The following USH2A variants were observed in gnomAD, a reference collection of about 807,000 sequenced individuals.
USH2A encodes the protein usherin.
Under a neutral mutation model 538.9 loss-of-function variants are expected in USH2A, and 443 were observed. The observed-to-expected ratio is 0.82, with a 90% CI of 0.76 to 0.89. The LOEUF (loss-of-function observed/expected upper bound fraction) is 0.89. USH2A is among the 40% of genes least tolerant of loss of function. USH2A has a pLI of 0.00. For synonymous variants in USH2A, 2,413 were observed against 2,273.5 expected (o/e 1.06, Z -1.75); for missense variants, 6,633 against 6,324.8 (o/e 1.05, Z -1.65).
intron 3 of USH2A, among the ~76,000 whole-genome samples, chr1:216,374,106 G>A: frequency 8.6e-6 from 1 of 116,086 alleles, no homozygotes; most frequent in East Asian, 3.1e-4. Context: ...ACTTTTGTGG[G>A]GTGGGGGGAG....
At chr1:215,836,266 T>G (rs1486678191) in intron 47 of USH2A, among the ~76,000 whole-genome samples, 1 of 150,878 alleles carries the variant, frequency 6.6e-6, no homozygotes, top group Non-Finnish European at 1.5e-5. Context: ...CCTTCACTGA[T>G]AATTCTGGGT....
At position 215,674,281 on chromosome 1, in the gene USH2A, C is replaced by T; in HGVS notation, c.13630G>A (p.Gly4544Ser). The T allele has an allele frequency of 6.2e-7, 1 of 1,614,050 alleles. No homozygotes were observed. Among genetic ancestry groups the T allele is most frequent in the Non-Finnish European group, 8.5e-7 (1 of 1,180,006 alleles). Residue 4544 changes from glycine (G) to serine (S), a missense_variant, in exon 63 of 72, where the codon GGT (glycine) becomes AGT (serine). Transcript: ENST00000307340. ...GMEPPKLQARGPQEILVNWDP... is the reference protein window; with the variant it reads ...GMEPPKLQARSPQEILVNWDP... ...CAGTTCACTAAGATCTCCTGAGGAC[C>T]CCTGGCCTGCAATTTTGGAGGTTCC... is the stretch of plus-strand genomic sequence containing the variant.
chr1:216,112,474 T>C (rs1290229119), intron 21 of USH2A, among the ~76,000 whole-genome samples: 14 of 152,106 alleles, frequency 9.2e-5, no homozygotes, highest in Non-Finnish European at 1.0e-4. Context: ...AAAACTTTTA[T>C]TTTAGGTTGT....
At chr1:216,100,255 A>C (rs181376932) in intron 21 of USH2A, among the ~76,000 whole-genome samples, 1 of 152,272 alleles carries the variant, frequency 6.6e-6, no homozygotes, top group Admixed American at 6.5e-5. Context: ...AATGAGTAGA[A>C]GGTGGGTACA....
intron 47 of USH2A, among the ~76,000 whole-genome samples, chr1:215,823,569 T>C (rs1663073347): frequency 6.6e-6 from 1 of 152,094 alleles, no homozygotes; most frequent in Admixed American, 6.6e-5. Context: ...TATCTGGATA[T>C]TTCTCTGTTT....
chr1:216,027,163 A>C (rs1275620705), intron 32 of USH2A, among the ~76,000 whole-genome samples: 2 of 152,178 alleles, frequency 1.3e-5, no homozygotes, highest in Non-Finnish European at 2.9e-5. Context: ...GTCTTTAAAG[A>C]GGTAATTAAG....
chr1:215,860,124 A>C (rs573545780), intron 44 of USH2A, among the ~76,000 whole-genome samples: 1 of 152,206 alleles, frequency 6.6e-6, no homozygotes, highest in African/African-American at 2.4e-5. Flanking sequence ...AATGCATCAC[A>C]AAAGCCCTCA....
At chr1:215,860,831 G>A (rs1664295362) in intron 44 of USH2A, among the ~76,000 whole-genome samples, 1 of 152,126 alleles carries the variant, frequency 6.6e-6, no homozygotes, top group South Asian at 2.1e-4. Context: ...GGCTCATTTT[G>A]GGAGGTAATG....
chr1:216,046,601 G>A lies in USH2A; in HGVS notation c.6164-9C>T, dbSNP rs2030532992. ...CTGAACCTCTTGTGGGGCTGTGGAA[G>A]AAAAGATTTATAGAGTCTAATTTTA... On this transcript the variant is annotated splice_polypyrimidine_tract_variant and intron_variant, in intron 31 of 71. Transcript: ENST00000307340. 1 of 1,613,592 alleles carries A rather than the reference G, an allele frequency of 6.2e-7. No individual in the cohort carries two copies. The highest frequency in any genetic ancestry group is 8.5e-7 in the Non-Finnish European group (1 of 1,179,630).
chr1:215,818,568 AG>A (rs568810364), intron 47 of USH2A, among the ~76,000 whole-genome samples: 340 of 151,988 alleles, frequency 2.2e-3, no homozygotes, highest in Non-Finnish European at 3.6e-3. Context: ...AAACCCAAGT[AG>A]AAAGTTTTTA....
chr1:216,147,707 T>C (rs1451596045), intron 21 of USH2A, among the ~76,000 whole-genome samples: 1 of 150,698 alleles, frequency 6.6e-6, no homozygotes, highest in African/African-American at 2.4e-5. Context: ...TGCAATTCCT[T>C]GCCTCCACTG....
intron 4 of USH2A, among the ~76,000 whole-genome samples, chr1:216,354,761 T>C (rs1473312577): frequency 6.6e-6 from 1 of 151,488 alleles, no homozygotes; most frequent in Non-Finnish European, 1.5e-5. Context: ...TGGGACAATA[T>C]CTAGTGCTCT....
At chr1:215,889,684 T>A (rs1349174687) in intron 40 of USH2A, among the ~76,000 whole-genome samples, 1 of 152,182 alleles carries the variant, frequency 6.6e-6, no homozygotes, top group Non-Finnish European at 1.5e-5. Flanking sequence ...ACCTTTAGGT[T>A]AACAGGTTTT....
intron 31 of USH2A, 52 bp downstream of exon 31, chr1:216,048,482 T>G: frequency 6.4e-7 from 1 of 1,555,766 alleles, no homozygotes; most frequent in Non-Finnish European, 8.9e-7. Context: ...CTTCTCCTAT[T>G]TTATTATTCA....
chr1:216,198,946 C>T (rs2034919395), intron 17 of USH2A, among the ~76,000 whole-genome samples: 2 of 152,026 alleles, frequency 1.3e-5, no homozygotes, highest in African/African-American at 4.8e-5. Context: ...ATGGCCAGTT[C>T]TTTTGGGGAA....
chr1:215,792,622 C>T (rs1662011687), intron 50 of USH2A, among the ~76,000 whole-genome samples: 1 of 152,194 alleles, frequency 6.6e-6, no homozygotes, highest in African/African-American at 2.4e-5. Context: ...CGTGCACTAA[C>T]TCACTTAGGG....
At chr1:216,181,557 C>T (rs2034494745) in intron 20 of USH2A, among the ~76,000 whole-genome samples, 1 of 152,080 alleles carries the variant, frequency 6.6e-6, no homozygotes, top group South Asian at 2.1e-4. Context: ...AGTTATTGTT[C>T]TGGCGATCAC....
At chr1:215,721,301 C>T (rs961943900) in intron 61 of USH2A, among the ~76,000 whole-genome samples, 7 of 152,156 alleles carry the variant, frequency 4.6e-5, no homozygotes, top group African/African-American at 1.7e-4. Context: ...TCTCGAACGC[C>T]TGACCTCAGG....
intron 38 of USH2A, among the ~76,000 whole-genome samples, chr1:215,914,068 C>CTTTTTTT (rs11366554): frequency 1.1e-5 from 1 of 92,006 alleles, no homozygotes; most frequent in African/African-American, 3.9e-5. Context: ...AAGCAACAGA[C>CTTTTTTT]TTTTTTTTTT....
Sources: gnomAD v4.1 joint callset for allele counts (sites outside exome capture counted in the v4.1 genomes callset) on GRCh38, gnomAD v4.1.1 for gene constraint, MANE v1.5 for transcripts, NCBI Gene and HGNC (gene_info 2026-07-23, HGNC 2026-07-21) for gene names.